MARCHF10: variants seen among roughly 807,000 people sequenced by gnomAD.
MARCHF10 encodes membrane associated ring-CH-type finger 10, also known as probable E3 ubiquitin-protein ligase MARCHF10.
Under a neutral mutation model 76.2 loss-of-function variants are expected in MARCHF10, and 64 were observed. That is an observed-to-expected ratio of 0.84 (90% CI 0.69 to 1.03). The LOEUF is 1.03. MARCHF10 is among the 50% of genes least tolerant of loss of function. The pLI is 0.00. For missense variants in MARCHF10, 875 were observed against 958.0 expected (o/e 0.91, Z 1.14); for synonymous variants, 340 against 357.5 (o/e 0.95, Z 0.55).
At chr17:62,707,172 C>T (rs1357115629) in intron 9 of MARCHF10, among the ~76,000 whole-genome samples, 1 of 152,200 alleles carries the variant, frequency 6.6e-6, no homozygotes. Context: ...TGCCCAAGTT[C>T]TCCTCCCAAA....
chr17:62,747,449 G>T (rs1599203994), intron 4 of MARCHF10, among the ~76,000 whole-genome samples: 1 of 152,154 alleles, frequency 6.6e-6, no homozygotes, highest in African/African-American at 2.4e-5. Flanking sequence ...TGTTGTACTA[G>T]GCCTGGCAGT....
intron 1 of MARCHF10, among the ~76,000 whole-genome samples, chr17:62,802,001 C>T (rs1438287430): frequency 6.6e-6 from 1 of 152,168 alleles, no homozygotes; most frequent in East Asian, 1.9e-4. Flanking sequence ...GTCCTGGTTA[C>T]TCAGAGGGAG....
chr17:62,704,946 G>GTGGTTTTTTTTTT, intron 10 of MARCHF10: 1 of 837,088 alleles, frequency 1.2e-6, no homozygotes, highest in Non-Finnish European at 1.4e-6. Flanking sequence ...TTCTCCAGTC[G>GTGGTTTTTTTTTT]TTTTTTTTTT....
chr17:62,704,661 C>G (rs1196118200), intron 10 of MARCHF10, among the ~76,000 whole-genome samples: 1 of 152,204 alleles, frequency 6.6e-6, no homozygotes, highest in Non-Finnish European at 1.5e-5. Flanking sequence ...GAACACGATT[C>G]CAGGGCCCCA....
intron 4 of MARCHF10, chr17:62,746,869 ACAGGGAGGGATGCTTCTGCT>A: frequency 1.3e-6 from 2 of 1,535,058 alleles, no homozygotes; most frequent in Non-Finnish European, 1.7e-6. Flanking sequence ...ATTCACCTTC[ACAGGGAGGGATGCTTCTGCT>A]CATGGGACCT....
Position 62,736,815 on chromosome 17 carries a change from A to G in MARCHF10, c.1053T>C (p.His351=), listed in dbSNP as rs778316033. The G allele has an allele frequency of 1.2e-6, 2 of 1,614,104 alleles. No homozygotes were observed. The highest frequency in any genetic ancestry group is 1.7e-5 in the Admixed American group (1 of 60,018). The change falls in exon 6 of 11, where the codon CAT becomes CAC. Residue 351 remains histidine (H), a synonymous_variant. Coordinates refer to ENST00000311269, the MANE Select transcript of MARCHF10 (RefSeq NM_152598.4). ...TTGCATTGCTTATTCTCAATGAGCC[A>G]TGACTGGGCTCACTTCTTCTTGAAG... ...GHSSRRSEPS[H]GSLRISNAME... is the part of the protein sequence containing the mutation.
rs2089908998 is a variant in MARCHF10 at position 62,711,105 on chromosome 17, T to TAACAATGATAGTCCC, written c.2328+111_2328+125dup. 1.4e-6 allele frequency: 1 copy of TAACAATGATAGTCCC among 729,316 alleles called. No homozygotes were observed. The highest frequency in any genetic ancestry group is 1.7e-5 in the South Asian group (1 of 58,926). 45.2% of individuals were successfully genotyped at this position (729,316 alleles called of 1,614,324 possible). The stretch of plus-strand genomic sequence containing the variant: ...CTTAGCAGCTGCTAAATCTTAGTCC[T>TAACAATGATAGTCCC]AACAATGATAGTCCCATATCCTCCC... On this transcript the variant is annotated intron_variant, in intron 9 of 10. Transcript: ENST00000311269. This position sits in a 1 kb window ranked among gnomAD's most constrained non-coding sequence, Gnocchi z 4.4.
intron 2 of MARCHF10, among the ~76,000 whole-genome samples, chr17:62,795,568 G>A (rs967571912): frequency 2.0e-5 from 3 of 152,092 alleles, no homozygotes; most frequent in African/African-American, 2.4e-5. Context: ...ATAACTCAGG[G>A]CGAGGTTAGC....
At chr17:62,772,746 T>G (rs1341450043) in intron 3 of MARCHF10, among the ~76,000 whole-genome samples, 1 of 152,154 alleles carries the variant, frequency 6.6e-6, no homozygotes, top group Non-Finnish European at 1.5e-5. Flanking sequence ...TAATGAAATC[T>G]CAGCATATTT....
rs192058531 is a variant in MARCHF10 at position 62,795,005 on chromosome 17, T to C, written c.91-6406A>G. The C allele has an allele frequency of 1.8e-5, 18 of 984,858 alleles. No homozygotes were observed. The East Asian group carries it at 1.8e-3, about 100-fold the overall frequency. The allele number at this position is 984,858 out of a possible 1,614,324, so 61.0% of individuals were successfully genotyped here. On this transcript the variant is annotated intron_variant, in intron 2 of 10. Coordinates refer to ENST00000311269, the MANE Select transcript of MARCHF10 (RefSeq NM_152598.4). Reference sequence around the variant, plus strand: ...TTTTTCCTGTTTTGGCTGTGAAGAGTAGAGCAACACATACCTCAAAGGTGA... The same window carrying C: ...TTTTTCCTGTTTTGGCTGTGAAGAGCAGAGCAACACATACCTCAAAGGTGA...
chr17:62,714,255 C>T (rs376730025), intron 8 of MARCHF10: 2 of 329,240 alleles, frequency 6.1e-6, no homozygotes, highest in Non-Finnish European at 8.7e-6. Flanking sequence ...AAAGCGCTGC[C>T]GGCTAAGGTG....
chr17:62,804,932 GCTC>G (rs981988553), intron 1 of MARCHF10: 2 of 152,114 alleles, frequency 1.3e-5, no homozygotes, highest in African/African-American at 4.8e-5. Flanking sequence ...GCATTCCCTC[GCTC>G]CTCCTGTTTA....
rs553035213 is a variant in MARCHF10 at position 62,794,865 on chromosome 17, A to G, written c.91-6266T>C. 4.6e-5 allele frequency among the ~76,000 whole-genome samples: 7 copies of G among 152,302 alleles called. No individual in the cohort carries two copies. In the South Asian group the frequency reaches 1.4e-3, roughly 32 times the overall value. On this transcript the variant is annotated intron_variant, in intron 2 of 10. Transcript: ENST00000311269. ...TCTTGCGATCTGACTTGCATACCCCAGAGTCTGGCATTTTAATTGTCCTCG... is the reference window on the plus strand; with the variant it reads ...TCTTGCGATCTGACTTGCATACCCCGGAGTCTGGCATTTTAATTGTCCTCG...
chr17:62,745,557 A>G (rs1313143589), intron 4 of MARCHF10, among the ~76,000 whole-genome samples: 1 of 152,170 alleles, frequency 6.6e-6, no homozygotes, highest in Non-Finnish European at 1.5e-5. Flanking sequence ...TAATACCTGC[A>G]TATTTATATC....
intron 8 of MARCHF10, among the ~76,000 whole-genome samples, chr17:62,716,486 A>G (rs1318840858): frequency 6.6e-6 from 1 of 151,754 alleles, no homozygotes; most frequent in Non-Finnish European, 1.5e-5. Context: ...CTGTGGACCC[A>G]GCTACTTAGG....
Position 62,751,568 on chromosome 17 carries a change from C to T in MARCHF10, c.383-7040G>A, listed in dbSNP as rs367968654. On this transcript the variant is annotated intron_variant, in intron 4 of 10. Coordinates refer to ENST00000311269, the MANE Select transcript of MARCHF10 (RefSeq NM_152598.4). The stretch of plus-strand genomic sequence containing the variant: ...AAAAATAGTTTCGCAGGCCCCTTTA[C>T]TGGAGATTCTGATGCTGTGGGTCAG... 9.8e-5 allele frequency among the ~76,000 whole-genome samples: 15 copies of T among 152,314 alleles called. No homozygotes were observed. The East Asian group carries it at 2.5e-3, about 25-fold the overall frequency.
At chr17:62,718,891 C>A (rs1342127863) in intron 8 of MARCHF10, among the ~76,000 whole-genome samples, 1 of 152,084 alleles carries the variant, frequency 6.6e-6, no homozygotes. Context: ...TTTTCTTTCT[C>A]TAACCTCCTG....
intron 3 of MARCHF10, 60 bp from the exon 4 acceptor site, chr17:62,760,066 G>T: frequency 6.8e-7 from 1 of 1,468,326 alleles, no homozygotes; most frequent in Non-Finnish European, 9.4e-7. Flanking sequence ...TTGTTAGGCA[G>T]AGAAAACAGA....
At chr17:62,772,726 C>A (rs1229441498) in intron 3 of MARCHF10, among the ~76,000 whole-genome samples, 1 of 152,188 alleles carries the variant, frequency 6.6e-6, no homozygotes, top group Non-Finnish European at 1.5e-5. Flanking sequence ...CCTTTATTTT[C>A]TCCAACCTCT....
Sources: allele counts gnomAD v4.1 joint callset (sites outside exome capture counted in the v4.1 genomes callset), GRCh38; gene constraint gnomAD v4.1.1; non-coding constraint Gnocchi (gnomAD v3.1); transcripts MANE v1.5; gene names NCBI Gene and HGNC (gene_info 2026-07-23, HGNC 2026-07-21).